Variants in CELF2 observed in about 807,000 individuals in gnomAD.
The protein encoded by CELF2 is CUGBP Elav-like family member 2.
In CELF2, 8 loss-of-function variants were observed where a neutral mutation model predicts 62.6. That is an observed-to-expected ratio of 0.13 (90% CI 0.07 to 0.23). The LOEUF (loss-of-function observed/expected upper bound fraction) is 0.23. Among genes scored for constraint, CELF2 ranks in the 10% least tolerant of loss-of-function variants. The probability of loss-of-function intolerance (pLI) is 1.00; values close to 1 mark genes in which losing one functional copy is unlikely to be tolerated. For missense variants in CELF2, 333 were observed against 671.0 expected (o/e 0.50, Z 5.56); for synonymous variants, 258 against 250.0 (o/e 1.03, Z -0.30).
chr10:10,696,799 C>T, the CELF2 span, among the ~76,000 whole-genome samples: 1 of 151,910 alleles, frequency 6.6e-6, no homozygotes, highest in African/African-American at 2.4e-5. Context: ...TCTTTGACCC[C>T]TTGCGCTTCC....
At chr10:11,190,775 T>TA (rs11301213) in intron 2 of CELF2, among the ~76,000 whole-genome samples, 1,330 of 53,996 alleles carry the variant, frequency 0.025, 68 homozygotes, top group Middle Eastern at 0.048. Flanking sequence ...CTCTTTTCTT[T>TA]AAAAAAAAAA....
chr10:10,965,908 G>C (rs2050071441), intron 2 of CELF2, among the ~76,000 whole-genome samples: 1 of 152,144 alleles, frequency 6.6e-6, no homozygotes, highest in Non-Finnish European at 1.5e-5. Flanking sequence ...AGTGTATTTG[G>C]AATCTGATGT....
chr10:10,927,597 T>C (rs1455337368), intron 2 of CELF2, among the ~76,000 whole-genome samples: 4 of 152,040 alleles, frequency 2.6e-5, no homozygotes, highest in Non-Finnish European at 5.9e-5. Flanking sequence ...TGGGCTAATT[T>C]TGAACATTTT....
chr10:11,280,982 C>CTGTGTGTGTGTG lies in CELF2; in HGVS notation c.841+5868_841+5869insTGTGTGTGTGTG, dbSNP rs541295992. ...CTGATGCTGGCGTGCGTGTGCATGC[C>CTGTGTGTGTGTG]TGTGTGCGTGTGTGTGTGTGTGTGT... On this transcript the variant is annotated intron_variant, in intron 8 of 12. Coordinates refer to ENST00000633077, the MANE Select transcript of CELF2 (RefSeq NM_001326342.2). This position sits in a 1 kb window ranked among gnomAD's most constrained non-coding sequence, Gnocchi z 7.6. 7.5e-4 allele frequency among the ~76,000 whole-genome samples: 90 copies of CTGTGTGTGTGTG among 119,868 alleles called. No homozygotes were observed. The highest frequency in any genetic ancestry group is 1.1e-3 in the Admixed American group (14 of 12,190). 78.6% of individuals were successfully genotyped at this position (119,868 alleles called of 152,430 possible).
At chr10:10,768,091 G>A in the CELF2 span, among the ~76,000 whole-genome samples, 3 of 147,112 alleles carry the variant, frequency 2.0e-5, no homozygotes, top group East Asian at 2.1e-4. Context: ...GCGTGAACCC[G>A]GGAGGCGGAG....
the CELF2 span, among the ~76,000 whole-genome samples, chr10:10,743,543 T>C: frequency 3.9e-5 from 6 of 152,228 alleles, no homozygotes; most frequent in African/African-American, 1.4e-4. Flanking sequence ...CCCTCACTGA[T>C]AGGCAACTTA....
chr10:10,598,752 T>TTTC, the CELF2 span, among the ~76,000 whole-genome samples: 1 of 92,404 alleles, frequency 1.1e-5, no homozygotes, highest in Non-Finnish European at 2.2e-5. Flanking sequence ...TTTTTCTTTC[T>TTTC]TTTTTTTTTT....
chr10:11,279,321 A>T (rs952201649), intron 8 of CELF2, among the ~76,000 whole-genome samples: 6 of 152,210 alleles, frequency 3.9e-5, no homozygotes, highest in Non-Finnish European at 8.8e-5. Context: ...GCTTAAAACC[A>T]TGAAGCAGCT....
At chr10:10,894,958 A>G (rs1301431204) in intron 1 of CELF2, among the ~76,000 whole-genome samples, 2 of 152,234 alleles carry the variant, frequency 1.3e-5, no homozygotes, top group African/African-American at 2.4e-5. Flanking sequence ...AGTGAAACTT[A>G]TAATAATATG....
At chr10:10,736,835 T>C in the CELF2 span, among the ~76,000 whole-genome samples, 459 of 152,174 alleles carry the variant, frequency 3.0e-3, 1 homozygote, top group African/African-American at 0.01. Flanking sequence ...CATATAAATA[T>C]CGATTGTTTG....
At position 11,224,956 on chromosome 10, in the gene CELF2, T is replaced by TC. The variant is rs2065994924; in HGVS notation, c.354+7449_354+7450insC. 6.6e-6 allele frequency among the ~76,000 whole-genome samples: 1 copy of TC among 151,914 alleles called. No homozygotes were observed. The highest frequency in any genetic ancestry group is 2.4e-5 in the African/African-American group (1 of 41,332). On this transcript the variant is annotated intron_variant, in intron 3 of 12. Transcript: ENST00000633077. The surrounding 1 kb of genome is among the most constrained non-coding windows in gnomAD (Gnocchi z 4.5). ...CAGGGCTCTGCCGGATATGGTCTGGTTTGTGCAGGGAAGCGCGCTGGACAC... is the reference window on the plus strand; with the variant it reads ...CAGGGCTCTGCCGGATATGGTCTGGTCTTGTGCAGGGAAGCGCGCTGGACAC...
At chr10:11,050,554 C>T (rs1217528472) in intron 1 of CELF2, among the ~76,000 whole-genome samples, 1 of 152,218 alleles carries the variant, frequency 6.6e-6, no homozygotes, top group East Asian at 1.9e-4. Flanking sequence ...ATCTTGGATT[C>T]ATAGCTACGT....
chr10:10,666,706 C>CA, the CELF2 span, among the ~76,000 whole-genome samples: 1 of 122,664 alleles, frequency 8.2e-6, no homozygotes, highest in African/African-American at 3.4e-5. Flanking sequence ...ACTAAAAATA[C>CA]AAAAAATTAG....
the CELF2 span, among the ~76,000 whole-genome samples, chr10:10,596,064 T>C: frequency 1.0e-3 from 159 of 152,322 alleles, 1 homozygote; most frequent in African/African-American, 3.6e-3. Context: ...CCTTGAATTC[T>C]TTCCTGGGAG....
At position 11,179,074 on chromosome 10, in the gene CELF2, G is replaced by A. The variant is rs187508408; in HGVS notation, c.271+13392G>A. 2.6e-5 allele frequency among the ~76,000 whole-genome samples: 4 copies of A among 152,250 alleles called. No individual in the cohort carries two copies. The East Asian group carries it at 7.7e-4, about 29-fold the overall frequency. On this transcript the variant is annotated intron_variant, in intron 2 of 12. Coordinates refer to ENST00000633077, the MANE Select transcript of CELF2 (RefSeq NM_001326342.2). ...TTTTAAGCAAAGCTGATAATCCCAGGGAAAATTGCTGATCAAGTCTTGAAA... is the reference window on the plus strand; with the variant it reads ...TTTTAAGCAAAGCTGATAATCCCAGAGAAAATTGCTGATCAAGTCTTGAAA...
chr10:10,552,172 CA>C, the CELF2 span, among the ~76,000 whole-genome samples: 1 of 152,110 alleles, frequency 6.6e-6, no homozygotes, highest in African/African-American at 2.4e-5. Flanking sequence ...TTGGGAGAGC[CA>C]GGTGCTTCTC....
chr10:11,165,695 G>A lies in CELF2; in HGVS notation c.271+13G>A. On this transcript the variant is annotated intron_variant, in intron 2 of 12. Transcript: ENST00000633077. This position sits in a 1 kb window ranked among gnomAD's most constrained non-coding sequence, Gnocchi z 7.4. ...CCGCAGAGTAAAGGTACAGAGCGCG[G>A]GGCGGGGGTCGCCAGGCGTCCAGGT... 6.2e-7 allele frequency: 1 copy of A among 1,604,176 alleles called. No individual in the cohort carries two copies. Among genetic ancestry groups the A allele is most frequent in the Non-Finnish European group, 8.5e-7 (1 of 1,175,206 alleles).
At position 11,227,080 on chromosome 10, in the gene CELF2, C is replaced by G. The variant is rs147565106; in HGVS notation, c.354+9573C>G. On this transcript the variant is annotated intron_variant, in intron 3 of 12. Coordinates refer to ENST00000633077, the MANE Select transcript of CELF2 (RefSeq NM_001326342.2). This position sits in a 1 kb window ranked among gnomAD's most constrained non-coding sequence, Gnocchi z 4.8. Reference sequence around the variant, plus strand: ...TGGAGGCTCACCCTGGAAGAGTGAGCAGGACTCTGTTACCTGCAACCCCAA... The same window carrying G: ...TGGAGGCTCACCCTGGAAGAGTGAGGAGGACTCTGTTACCTGCAACCCCAA... 1.3e-5 allele frequency among the ~76,000 whole-genome samples: 2 copies of G among 152,290 alleles called. No individual in the cohort carries two copies. The highest frequency in any genetic ancestry group is 1.9e-4 in the East Asian group (1 of 5,176).
chr10:10,621,200 C>T, the CELF2 span, among the ~76,000 whole-genome samples: 1,337 of 144,384 alleles, frequency 9.3e-3, 75 homozygotes, highest in Admixed American at 0.077. Flanking sequence ...GCAGAGATGG[C>T]GCCATTGCAT....
Sources: gnomAD v4.1 joint callset for allele counts (sites outside exome capture counted in the v4.1 genomes callset) on GRCh38, gnomAD v4.1.1 for gene constraint, Gnocchi (gnomAD v3.1) non-coding constraint, MANE v1.5 for transcripts, NCBI Gene and HGNC (gene_info 2026-07-23, HGNC 2026-07-21) for gene names.